The following NR3C1 variants were observed in gnomAD, a reference collection of about 807,000 sequenced individuals.
The protein encoded by NR3C1 is nuclear receptor subfamily 3 group C member 1.
Under a neutral mutation model 74.0 loss-of-function variants are expected in NR3C1, and 14 were observed. The ratio of observed to expected loss-of-function variants is 0.19; its 90% confidence interval spans 0.12 to 0.30. The LOEUF is 0.30. NR3C1 is among the 10% of genes least tolerant of loss of function. The pLI, the probability that NR3C1 is intolerant of heterozygous loss-of-function variation, is 1.00. For synonymous variants in NR3C1, 308 were observed against 332.5 expected (o/e 0.93, Z 0.80); for missense variants, 695 against 909.8 (o/e 0.76, Z 3.04).
chr5:143,324,289 T>A (rs1824064854), intron 2 of NR3C1, among the ~76,000 whole-genome samples: 1 of 152,232 alleles, frequency 6.6e-6, no homozygotes. Flanking sequence ...TCTTCTAAAA[T>A]CTAGGCAGAG....
At chr5:143,296,730 A>G (rs1330619243) in intron 6 of NR3C1, among the ~76,000 whole-genome samples, 2 of 152,178 alleles carry the variant, frequency 1.3e-5, no homozygotes, top group African/African-American at 4.8e-5. Flanking sequence ...CTGATATGCA[A>G]TATCTGCCTG....
chr5:143,318,065 G>A (rs543683135), intron 2 of NR3C1, among the ~76,000 whole-genome samples: 34 of 152,204 alleles, frequency 2.2e-4, no homozygotes, highest in African/African-American at 7.0e-4. Context: ...TAGGGGGTTT[G>A]TGTGGATTAT....
intron 1 of NR3C1, among the ~76,000 whole-genome samples, chr5:143,426,475 A>G (rs1751535164): frequency 6.6e-6 from 1 of 152,238 alleles, no homozygotes; most frequent in South Asian, 2.1e-4. Context: ...ATCAGCTAAA[A>G]TAATAAAGCA....
In NR3C1 at chr5:143,342,875, A is replaced by C. The variant is rs878933469; in HGVS notation, c.1185-28707T>G. 2.0e-5 allele frequency among the ~76,000 whole-genome samples: 3 copies of C among 152,210 alleles called. No homozygotes were observed. The South Asian group carries it at 6.2e-4, about 32-fold the overall frequency. ...ACCTTTAGACATAGAGAGGTGTCAG[A>C]GAAGTCTTCTGATTTGCTACGAGCT... On this transcript the variant is annotated intron_variant, in intron 2 of 8. Transcript: ENST00000394464.
chr5:143,350,453 T>C (rs1199690161), intron 2 of NR3C1, among the ~76,000 whole-genome samples: 1 of 152,074 alleles, frequency 6.6e-6, no homozygotes, highest in Non-Finnish European at 1.5e-5. Flanking sequence ...TGCTTTGGGG[T>C]TGATAGCACC....
chr5:143,339,662 A>C (rs1827830810), intron 2 of NR3C1, among the ~76,000 whole-genome samples: 1 of 152,170 alleles, frequency 6.6e-6, no homozygotes, highest in Admixed American at 6.5e-5. Context: ...TCTGTCCTGA[A>C]GCTAGAAGCT....
rs1471574976 is a variant in NR3C1 at position 143,281,316 on chromosome 5, T to C, written c.*573A>G. The C allele has an allele frequency of 6.5e-6, 1 of 153,680 alleles. No individual in the cohort carries two copies. Among genetic ancestry groups the C allele is most frequent in the Non-Finnish European group, 1.5e-5 (1 of 68,844 alleles). 9.5% of individuals were successfully genotyped at this position (153,680 alleles called of 1,614,324 possible). ...CTGTACAATAACTTGAATAAAAAAT[T>C]ATGTAAGAAAAAATGAGCAAGCGTA... is the stretch of plus-strand genomic sequence containing the variant. On this transcript the variant is annotated 3_prime_UTR_variant, in exon 9 of 9. Transcript: ENST00000394464.
chr5:143,400,825 T>C lies in NR3C1; in HGVS notation c.15A>G (p.Glu5=). Residue 5 remains glutamate, a synonymous_variant, in exon 2 of 9, where the codon GAA becomes GAG. Coordinates refer to ENST00000394464, the MANE Select transcript of NR3C1 (RefSeq NM_000176.3). MDSK[E]SLTPGREENP... ...TTTCTTCTCTACCAGGAGTTAATGATTCTTTGGAGTCCATCAGTGAATATC... is the reference window on the plus strand; with the variant it reads ...TTTCTTCTCTACCAGGAGTTAATGACTCTTTGGAGTCCATCAGTGAATATC... 1.9e-6 allele frequency: 3 copies of C among 1,613,858 alleles called. No individual in the cohort carries two copies. Among genetic ancestry groups the C allele is most frequent in the Non-Finnish European group, 2.5e-6 (3 of 1,180,012 alleles).
At chr5:143,424,074 A>AG (rs1164270246) in intron 1 of NR3C1, among the ~76,000 whole-genome samples, 1 of 28,260 alleles carries the variant, frequency 3.5e-5, no homozygotes, top group Non-Finnish European at 7.4e-5. Flanking sequence ...GGGTGTGGGG[A>AG]GGGGGGAGGG....
intron 2 of NR3C1, among the ~76,000 whole-genome samples, chr5:143,366,251 G>A (rs1474281642): frequency 6.6e-6 from 1 of 152,160 alleles, no homozygotes; most frequent in African/African-American, 2.4e-5. Flanking sequence ...GCTCACACCT[G>A]TAATCCCAGC....
chr5:143,319,803 G>T (rs1236097808), intron 2 of NR3C1, among the ~76,000 whole-genome samples: 1 of 134,522 alleles, frequency 7.4e-6, no homozygotes, highest in South Asian at 2.4e-4. Flanking sequence ...AAGTGGAAAA[G>T]AAAAAAAAAA....
intron 7 of NR3C1, chr5:143,295,138 G>GTAGT (rs1816889277): frequency 2.5e-5 from 25 of 985,190 alleles, no homozygotes; most frequent in Non-Finnish European, 3.0e-5. Context: ...CAAAATCACT[G>GTAGT]TAGTTAGCTT....
chr5:143,375,206 C>T (rs978405844), intron 2 of NR3C1, among the ~76,000 whole-genome samples: 4 of 152,074 alleles, frequency 2.6e-5, no homozygotes, highest in Admixed American at 6.5e-5. Flanking sequence ...ATAGAGATGA[C>T]ATAAAACTTC....
chr5:143,291,675 T>C (rs1224352135), intron 7 of NR3C1, among the ~76,000 whole-genome samples: 1 of 152,218 alleles, frequency 6.6e-6, no homozygotes, highest in East Asian at 1.9e-4. Flanking sequence ...TATGTTTATA[T>C]TGCATTTGAG....
chr5:143,365,210 C>T (rs2151834191), intron 2 of NR3C1, among the ~76,000 whole-genome samples: 1 of 152,228 alleles, frequency 6.6e-6, no homozygotes, highest in East Asian at 1.9e-4. Flanking sequence ...AAGTAATCTT[C>T]CTCATCAATA....
rs145848899 is a variant in NR3C1 at position 143,432,191 on chromosome 5, A to G, written c.-14+2341T>C. Among the ~76,000 whole-genome samples the G allele has an allele frequency of 3.2e-3, 492 of 152,338 alleles. 1 individual carries two copies. Among genetic ancestry groups the G allele is most frequent in the African/African-American group, 0.011 (468 of 41,574 alleles). On this transcript the variant is annotated intron_variant, in intron 1 of 8. Coordinates refer to the NR3C1 transcript ENST00000343796. ...GCTGAATGTAGCACCAAGTGTGTTC[A>G]TCTCACTTTGCTGAGTGGGAGGTGA...
At chr5:143,350,667 A>G (rs769914821) in intron 2 of NR3C1, among the ~76,000 whole-genome samples, 1 of 152,216 alleles carries the variant, frequency 6.6e-6, no homozygotes, top group Non-Finnish European at 1.5e-5. Context: ...TCCTTTGCAT[A>G]AGGACAAATG....
At chr5:143,404,622 C>G (rs1178765157), upstream of NR3C1, 2 of 579,350 alleles carry the variant, frequency 3.5e-6, no homozygotes, top group Admixed American at 1.3e-4. Context: ...TGCTCACACT[C>G]GAAGGAAGTT....
chr5:143,417,380 G>A (rs4403203), intron 1 of NR3C1, among the ~76,000 whole-genome samples: 148,613 of 152,196 alleles, frequency 0.98, 72,665 homozygotes, highest in Middle Eastern at 1. Flanking sequence ...GGAGTGGGAT[G>A]TCATTAGTTG....
Sources: gnomAD v4.1 joint callset for allele counts (sites outside exome capture counted in the v4.1 genomes callset) on GRCh38, gnomAD v4.1.1 for gene constraint, MANE v1.5 for transcripts, NCBI Gene and HGNC (gene_info 2026-07-23, HGNC 2026-07-21) for gene names.